BCL2L14: variants seen among roughly 807,000 people sequenced by gnomAD.
BCL2L14 encodes BCL2 like 14.
Under a neutral mutation model 35.3 loss-of-function variants are expected in BCL2L14, and 27 were observed. The ratio of observed to expected loss-of-function variants is 0.76; its 90% CI spans 0.56 to 1.05. BCL2L14 has a LOEUF of 1.05. Among genes scored for constraint, BCL2L14 ranks in the 50% least tolerant of loss-of-function variants. The probability of loss-of-function intolerance (pLI) is 0.00; values close to 1 mark genes in which losing one functional copy is unlikely to be tolerated. For missense variants in BCL2L14, 377 were observed against 382.6 expected (o/e 0.99, Z 0.12); for synonymous variants, 139 against 145.9 (o/e 0.95, Z 0.34).
At chr12:12,069,166 A>G (rs1184969084), upstream of BCL2L14, among the ~76,000 whole-genome samples, 1 of 152,070 alleles carries the variant, frequency 6.6e-6, no homozygotes, top group Admixed American at 6.5e-5. Context: ...GCTTTACTAC[A>G]TGTCATTTTA....
At chr12:12,080,119 G>T (rs1297060882) in intron 2 of BCL2L14, among the ~76,000 whole-genome samples, 4 of 150,540 alleles carry the variant, frequency 2.7e-5, no homozygotes, top group Non-Finnish European at 5.9e-5. Flanking sequence ...GCAGGAGAAT[G>T]GCGTGAACCC....
intron 1 of BCL2L14, among the ~76,000 whole-genome samples, chr12:12,077,180 T>A (rs1306371859): frequency 1.3e-5 from 2 of 152,144 alleles, no homozygotes; most frequent in African/African-American, 4.8e-5. Context: ...CACAGCAGCT[T>A]ACATGCCGAA....
chr12:12,052,821 G>C (rs1418282236), intron 2 of BCL2L14, among the ~76,000 whole-genome samples: 1 of 152,166 alleles, frequency 6.6e-6, no homozygotes, highest in African/African-American at 2.4e-5. Context: ...CCCTGAACGA[G>C]ATAATTTCTA....
At chr12:12,095,396 T>C (rs1949294467) in intron 5 of BCL2L14, 1 of 985,278 alleles carries the variant, frequency 1.0e-6, no homozygotes, top group African/African-American at 1.7e-5. Context: ...CCCAGCCATT[T>C]TGAGGGTGAC....
intron 5 of BCL2L14, chr12:12,095,655 A>G: frequency 1.0e-6 from 1 of 985,306 alleles, no homozygotes; most frequent in South Asian, 4.7e-5. Flanking sequence ...CCTTCATCCC[A>G]CATTATCCTT....
chr12:12,094,928 T>C lies in BCL2L14; in HGVS notation c.943T>C (p.Trp315Arg). 6.2e-7 allele frequency: 1 copy of C among 1,612,588 alleles called. No homozygotes were observed. Among genetic ancestry groups the C allele is most frequent in the Non-Finnish European group, 8.5e-7 (1 of 1,179,988 alleles). ...GCCATGGATCCAGCAGCACGGTGGA[T>C]GGGTAAGCGTATCCTATTTAAAAAC... The part of the protein sequence containing the change: ...FSPWIQQHGG[W>R]EKILGISHEE... Residue 315 changes from tryptophan (W) to arginine (R), a missense_variant and splice_region_variant, in exon 5 of 6, where the codon TGG (tryptophan) becomes CGG (arginine). Transcript: ENST00000308721.
chr12:12,077,441 G>A (rs565350099), intron 1 of BCL2L14, among the ~76,000 whole-genome samples: 5 of 151,690 alleles, frequency 3.3e-5, no homozygotes, highest in East Asian at 1.9e-4. Context: ...GCTACTTGAG[G>A]GGCTGAGGTG....
chr12:12,050,690 C>T (rs370720849), intron 1 of BCL2L14, among the ~76,000 whole-genome samples: 14 of 150,476 alleles, frequency 9.3e-5, no homozygotes, highest in African/African-American at 3.4e-4. Flanking sequence ...GTCTAAGAGC[C>T]TATTTACAGG....
chr12:12,069,877 T>G (rs1480818519), upstream of BCL2L14, among the ~76,000 whole-genome samples: 1 of 152,230 alleles, frequency 6.6e-6, no homozygotes, highest in Non-Finnish European at 1.5e-5. Flanking sequence ...ACCATCTGTT[T>G]GTCTCTTGTG....
At chr12:12,051,613 C>A (rs1298512306) in intron 1 of BCL2L14, among the ~76,000 whole-genome samples, 1 of 152,160 alleles carries the variant, frequency 6.6e-6, no homozygotes, top group Non-Finnish European at 1.5e-5. Context: ...GTAGCTGAAT[C>A]GAATCTTTCC....
intron 1 of BCL2L14, among the ~76,000 whole-genome samples, chr12:12,074,728 C>T (rs61010671): frequency 0.025 from 3,782 of 152,198 alleles, 163 homozygotes; most frequent in African/African-American, 0.087. Flanking sequence ...CGTGAGCCAC[C>T]GCGCCCAGCC....
intron 5 of BCL2L14, chr12:12,095,810 T>G (rs1290424376): frequency 3.0e-6 from 3 of 985,288 alleles, no homozygotes; most frequent in East Asian, 1.1e-4. Flanking sequence ...CCCAAGGGTC[T>G]GAAGTGCCCG....
At chr12:12,086,461 A>G (rs1949044688) in intron 2 of BCL2L14, among the ~76,000 whole-genome samples, 1 of 152,206 alleles carries the variant, frequency 6.6e-6, no homozygotes, top group Non-Finnish European at 1.5e-5. Context: ...CTGGTCTCTT[A>G]TAGGCTACAA....
At chr12:12,053,298 G>C (rs1025673856) in intron 2 of BCL2L14, among the ~76,000 whole-genome samples, 1 of 152,194 alleles carries the variant, frequency 6.6e-6, no homozygotes, top group African/African-American at 2.4e-5. Flanking sequence ...GCTGGGATTT[G>C]AAGGCAAGTA....
chr12:12,095,876 T>C (rs1949303307), intron 5 of BCL2L14: 1 of 985,308 alleles, frequency 1.0e-6, no homozygotes, highest in Admixed American at 6.1e-5. Flanking sequence ...AGTTCCTTTC[T>C]ATTTTCCACT....
chr12:12,057,569 C>G (rs1031741440), intron 2 of BCL2L14, among the ~76,000 whole-genome samples: 18 of 151,950 alleles, frequency 1.2e-4, no homozygotes, highest in Admixed American at 2.0e-4. Flanking sequence ...ACCAGCCTGA[C>G]CAACATGGAG....
upstream of BCL2L14, chr12:12,070,848 G>A (rs539533100): frequency 1.3e-5 from 2 of 152,272 alleles, no homozygotes; most frequent in Admixed American, 6.5e-5. Flanking sequence ...ATTCCTTTTA[G>A]AGTCAAATTA....
chr12:12,063,768 T>C (rs956257835), intron 2 of BCL2L14, among the ~76,000 whole-genome samples: 14 of 152,180 alleles, frequency 9.2e-5, no homozygotes, highest in Non-Finnish European at 1.9e-4. Context: ...CCTTAACTGA[T>C]GACATTCCAC....
At chr12:12,062,957 A>G (rs1409221295) in intron 2 of BCL2L14, among the ~76,000 whole-genome samples, 1 of 151,998 alleles carries the variant, frequency 6.6e-6, no homozygotes, top group Non-Finnish European at 1.5e-5. Flanking sequence ...AAAAGGACTG[A>G]ACAATACTTT....
Sources: gnomAD v4.1 joint callset for allele counts (sites outside exome capture counted in the v4.1 genomes callset) on GRCh38, gnomAD v4.1.1 for gene constraint, MANE v1.5 for transcripts, NCBI Gene and HGNC (gene_info 2026-07-23, HGNC 2026-07-21) for gene names.